The following RBL1 variants were observed in gnomAD, a reference collection of about 807,000 sequenced individuals.
RBL1 encodes the protein RB transcriptional corepressor like 1.
Under a neutral mutation model 123.0 loss-of-function variants are expected in RBL1, and 82 were observed. The observed-to-expected ratio is 0.67, with a 90% confidence interval of 0.56 to 0.80. RBL1 has a LOEUF of 0.80. RBL1 is among the 30% of genes least tolerant of loss of function. The pLI is 0.00. For synonymous variants in RBL1, 405 were observed against 441.3 expected (o/e 0.92, Z 1.03); for missense variants, 1,171 against 1,299.6 (o/e 0.90, Z 1.52).
At chr20:37,048,713 C>T (rs1478060088) in intron 11 of RBL1, among the ~76,000 whole-genome samples, 1 of 151,888 alleles carries the variant, frequency 6.6e-6, no homozygotes, top group African/African-American at 2.4e-5. Context: ...TTTAAGTGGA[C>T]CACTAAGAAT....
intron 5 of RBL1, 38 bp from the exon 6 acceptor site, chr20:37,066,922 AAT>A (rs2065186732): frequency 6.3e-7 from 1 of 1,598,340 alleles, no homozygotes; most frequent in East Asian, 2.2e-5. Flanking sequence ...GGGAAAAAAA[AAT>A]AGTCAACTTT....
intron 2 of RBL1, 64 bp from the exon 3 acceptor site, chr20:37,068,250 G>C (rs1196633642): frequency 2.0e-6 from 3 of 1,490,850 alleles, no homozygotes; most frequent in Non-Finnish European, 2.7e-6. Context: ...GGATTGAAAG[G>C]AAATATTCTA....
At chr20:37,074,532 G>A (rs753658668) in intron 2 of RBL1, among the ~76,000 whole-genome samples, 14 of 152,044 alleles carry the variant, frequency 9.2e-5, no homozygotes, top group Non-Finnish European at 1.5e-4. Flanking sequence ...TCAAAACTGG[G>A]ATGGCTACAA....
At chr20:37,008,028 A>G (rs1324233312) in intron 19 of RBL1, among the ~76,000 whole-genome samples, 1 of 152,248 alleles carries the variant, frequency 6.6e-6, no homozygotes, top group African/African-American at 2.4e-5. Context: ...CTTATAAGTC[A>G]AATTGGAATC....
At chr20:37,042,192 A>C (rs866278265) in intron 13 of RBL1, among the ~76,000 whole-genome samples, 8 of 152,242 alleles carry the variant, frequency 5.3e-5, no homozygotes, top group Middle Eastern at 3.4e-3. Context: ...CCTATAATTC[A>C]ATAATAAAAA....
chr20:37,084,747 G>C (rs922996932), intron 2 of RBL1, among the ~76,000 whole-genome samples: 1 of 152,024 alleles, frequency 6.6e-6, no homozygotes, highest in Non-Finnish European at 1.5e-5. Flanking sequence ...CAAAAAACAA[G>C]TTTATATATT....
chr20:37,060,613 T>C (rs1308930022), intron 9 of RBL1, among the ~76,000 whole-genome samples: 1 of 152,020 alleles, frequency 6.6e-6, no homozygotes, highest in Non-Finnish European at 1.5e-5. Context: ...GGCAAAACCC[T>C]GTCTCTACAA....
At chr20:37,075,612 C>T (rs1273333165) in intron 2 of RBL1, among the ~76,000 whole-genome samples, 3 of 152,116 alleles carry the variant, frequency 2.0e-5, no homozygotes, top group Non-Finnish European at 4.4e-5. Context: ...CATGCCACCA[C>T]ACCTGACTAA....
intron 19 of RBL1, among the ~76,000 whole-genome samples, chr20:37,017,875 T>C (rs1568827017): frequency 6.6e-6 from 1 of 152,090 alleles, no homozygotes; most frequent in Non-Finnish European, 1.5e-5. Flanking sequence ...GAACTCGTGA[T>C]CCACCCGCCT....
chr20:37,044,324 G>T, intron 12 of RBL1, 74 bp from the exon 13 acceptor site: 1 of 1,417,100 alleles, frequency 7.1e-7, no homozygotes, highest in Non-Finnish European at 9.7e-7. Flanking sequence ...TGTAGGACTA[G>T]CTGTGGCTTT....
intron 19 of RBL1, among the ~76,000 whole-genome samples, chr20:37,011,266 G>T (rs1321900660): frequency 6.6e-6 from 1 of 152,076 alleles, no homozygotes. Flanking sequence ...TTCTAATCAA[G>T]ACTGCCACTC....
chr20:37,030,204 G>A (rs1043677219), intron 16 of RBL1, among the ~76,000 whole-genome samples: 4 of 152,164 alleles, frequency 2.6e-5, no homozygotes, highest in African/African-American at 9.7e-5. Flanking sequence ...CAAAGCTATG[G>A]TTATCAAAAC....
intron 17 of RBL1, among the ~76,000 whole-genome samples, chr20:37,022,276 C>T (rs1234680913): frequency 1.3e-5 from 2 of 152,210 alleles, no homozygotes; most frequent in African/African-American, 2.4e-5. Context: ...GTAAAATGCT[C>T]TTCTGAGGCA....
chr20:37,035,191 C>A, intron 15 of RBL1, 51 bp downstream of exon 15: 1 of 1,510,448 alleles, frequency 6.6e-7, no homozygotes, highest in African/African-American at 1.4e-5. Context: ...TAAGACATTT[C>A]TTAAATTTTT....
intron 2 of RBL1, among the ~76,000 whole-genome samples, chr20:37,079,463 GC>G (rs2065415685): frequency 9.0e-6 from 1 of 111,616 alleles, no homozygotes; most frequent in South Asian, 2.6e-4. Context: ...TGGGCTTAAA[GC>G]ATTTTTTTTT....
intron 21 of RBL1, among the ~76,000 whole-genome samples, chr20:37,002,231 A>G (rs2063996739): frequency 6.7e-6 from 1 of 149,550 alleles, no homozygotes; most frequent in Non-Finnish European, 1.5e-5. Flanking sequence ...GGGTTTTGCC[A>G]TGTTGGCCAG....
intron 20 of RBL1, among the ~76,000 whole-genome samples, chr20:37,005,518 TAA>T (rs386813927): frequency 0.01 from 1,593 of 152,030 alleles, 24 homozygotes; most frequent in African/African-American, 0.037. Flanking sequence ...GCAGAGAGAA[TAA>T]AAGAGGCAGA....
intron 9 of RBL1, among the ~76,000 whole-genome samples, chr20:37,057,536 A>T (rs566574232): frequency 1.3e-5 from 2 of 152,212 alleles, no homozygotes; most frequent in South Asian, 4.1e-4. Flanking sequence ...AATCCTTTAT[A>T]CGTTTTTAAA....
intron 11 of RBL1, among the ~76,000 whole-genome samples, chr20:37,054,551 TG>T (rs2064972335): frequency 1.3e-5 from 2 of 151,850 alleles, no homozygotes; most frequent in South Asian, 4.2e-4. Context: ...TTCTTTCAGC[TG>T]GGTGAGGTGG....
Sources: gnomAD v4.1 joint callset for allele counts (sites outside exome capture counted in the v4.1 genomes callset) on GRCh38, gnomAD v4.1.1 for gene constraint, MANE v1.5 for transcripts, NCBI Gene and HGNC (gene_info 2026-07-23, HGNC 2026-07-21) for gene names.